The following PTPN4 variants were observed in gnomAD, a reference collection of about 807,000 sequenced individuals.
The protein encoded by PTPN4 is protein tyrosine phosphatase non-receptor type 4.
A neutral mutation model predicts 135.5 loss-of-function variants in PTPN4; 49 were observed. That is an observed-to-expected ratio of 0.36 (90% confidence interval 0.29 to 0.46). The LOEUF (loss-of-function observed/expected upper bound fraction) is 0.46. PTPN4 is among the 20% of genes least tolerant of loss of function. The pLI is 1.00. For missense variants in PTPN4, 860 were observed against 1,101.0 expected, an observed-to-expected ratio of 0.78 and a Z score of 3.10; for synonymous variants, 333 against 369.9, an observed-to-expected ratio of 0.90 and a Z score of 1.14.
intron 9 of PTPN4, among the ~76,000 whole-genome samples, chr2:119,894,587 T>G (rs548614659): frequency 6.6e-6 from 1 of 152,348 alleles, no homozygotes; most frequent in Admixed American, 6.5e-5. Flanking sequence ...TATGCCTAAC[T>G]ACATTAAAAA....
intron 2 of PTPN4, among the ~76,000 whole-genome samples, chr2:119,836,969 C>T (rs113830500): frequency 0.023 from 3,535 of 152,256 alleles, 128 homozygotes; most frequent in African/African-American, 0.077. Flanking sequence ...GCACCGTGGA[C>T]GAAATGATTG....
At chr2:119,958,186 A>C (rs1474272544) in intron 22 of PTPN4, among the ~76,000 whole-genome samples, 1 of 151,982 alleles carries the variant, frequency 6.6e-6, no homozygotes, top group Admixed American at 6.5e-5. Flanking sequence ...AAAAATATAA[A>C]AATTAGCAGT....
chr2:119,973,732 G>A (rs1050733667), intron 26 of PTPN4, among the ~76,000 whole-genome samples: 9 of 120,240 alleles, frequency 7.5e-5, no homozygotes, highest in Non-Finnish European at 9.7e-5. Flanking sequence ...TATTTCTGAC[G>A]GCGTGAATTT....
At chr2:119,804,387 A>G (rs982092751) in intron 1 of PTPN4, among the ~76,000 whole-genome samples, 1 of 152,186 alleles carries the variant, frequency 6.6e-6, no homozygotes, top group East Asian at 1.9e-4. Flanking sequence ...CCATTAACTC[A>G]TCATTTACAT....
chr2:119,936,800 T>A (rs1454052402), intron 15 of PTPN4, among the ~76,000 whole-genome samples: 1 of 152,206 alleles, frequency 6.6e-6, no homozygotes, highest in African/African-American at 2.4e-5. Context: ...TTCTTCTCTC[T>A]TGTGCACAAG....
At chr2:119,801,095 T>G (rs957115901) in intron 1 of PTPN4, among the ~76,000 whole-genome samples, 9 of 152,224 alleles carry the variant, frequency 5.9e-5, no homozygotes, top group African/African-American at 2.2e-4. Flanking sequence ...ATTTTTTATT[T>G]TTTTTAAATT....
intron 3 of PTPN4, among the ~76,000 whole-genome samples, chr2:119,870,558 C>T (rs189414352): frequency 1.4e-4 from 21 of 152,160 alleles, no homozygotes; most frequent in East Asian, 1.4e-3. Flanking sequence ...ATAATCAACT[C>T]GTCCTAACAG....
intron 1 of PTPN4, among the ~76,000 whole-genome samples, chr2:119,807,740 C>T (rs1042024884): frequency 6.6e-6 from 1 of 152,168 alleles, no homozygotes; most frequent in Non-Finnish European, 1.5e-5. Flanking sequence ...CCAGCATCAT[C>T]CTGATACCAA....
At chr2:119,873,676 T>C (rs1677946181) in intron 3 of PTPN4, among the ~76,000 whole-genome samples, 1 of 152,186 alleles carries the variant, frequency 6.6e-6, no homozygotes, top group South Asian at 2.1e-4. Flanking sequence ...CCGTCTCTTG[T>C]TAGCTATCAG....
intron 23 of PTPN4, among the ~76,000 whole-genome samples, chr2:119,961,412 TA>T (rs1387955095): frequency 6.6e-6 from 1 of 152,174 alleles, no homozygotes; most frequent in Non-Finnish European, 1.5e-5. Flanking sequence ...AAAGGACGTA[TA>T]AAAACAAGTT....
intron 1 of PTPN4, among the ~76,000 whole-genome samples, chr2:119,790,825 A>G (rs1691131562): frequency 6.6e-6 from 1 of 151,832 alleles, no homozygotes; most frequent in Admixed American, 6.6e-5. Flanking sequence ...TCTATTGTTT[A>G]TTTCACTGTA....
Position 119,951,993 on chromosome 2 carries a change from A to G in PTPN4, c.1677A>G (p.Arg559=), listed in dbSNP as rs1203224498. Residue 559 remains arginine, a synonymous_variant, in exon 19 of 27, where the codon AGA becomes AGG. Transcript: ENST00000263708. ...TACAGGCTGACCTCTGTGTCCCTAGACTGAATGAAGGGGACCAAGTTGTAC... is the reference window on the plus strand; with the variant it reads ...TACAGGCTGACCTCTGTGTCCCTAGGCTGAATGAAGGGGACCAAGTTGTAC... ...PGTPADLCVP[R]LNEGDQVVLI... 1 of 1,612,670 alleles carries G rather than the reference A, an allele frequency of 6.2e-7. No individual in the cohort carries two copies. Among genetic ancestry groups the G allele is most frequent in the South Asian group, 1.1e-5 (1 of 90,962 alleles).
At chr2:119,814,710 G>A (rs975097622) in intron 2 of PTPN4, among the ~76,000 whole-genome samples, 5 of 152,070 alleles carry the variant, frequency 3.3e-5, no homozygotes, top group Admixed American at 2.6e-4. Flanking sequence ...AAACATTTAT[G>A]TTCAGCCTTC....
intron 9 of PTPN4, among the ~76,000 whole-genome samples, chr2:119,897,864 G>A (rs891107725): frequency 6.6e-6 from 1 of 152,114 alleles, no homozygotes; most frequent in Non-Finnish European, 1.5e-5. Flanking sequence ...ATCAAATAAC[G>A]TATTTGATAA....
intron 2 of PTPN4, among the ~76,000 whole-genome samples, chr2:119,822,953 T>A (rs1677091280): frequency 6.6e-6 from 1 of 152,196 alleles, no homozygotes; most frequent in South Asian, 2.1e-4. Flanking sequence ...ATTTTTGAAG[T>A]TTGCCTCTCC....
chr2:119,954,808 G>GTA (rs1190243242), intron 19 of PTPN4, among the ~76,000 whole-genome samples: 1 of 152,140 alleles, frequency 6.6e-6, no homozygotes, highest in Non-Finnish European at 1.5e-5. Flanking sequence ...TAAACATATG[G>GTA]TATATAGGTC....
At chr2:119,921,462 G>A (rs1385410833) in intron 12 of PTPN4, among the ~76,000 whole-genome samples, 1 of 152,068 alleles carries the variant, frequency 6.6e-6, no homozygotes, top group African/African-American at 2.4e-5. Context: ...ATGAAGCTTA[G>A]TACAGGATAT....
chr2:119,981,365 T>C lies in PTPN4; in HGVS notation c.*4295T>C, dbSNP rs1323023029. ...ACTTCCCCCATTTGCTTCACCTATCTGACTACAATTGCTGGAATCATTCTT... is the reference window on the plus strand; with the variant it reads ...ACTTCCCCCATTTGCTTCACCTATCCGACTACAATTGCTGGAATCATTCTT... On this transcript the variant is annotated 3_prime_UTR_variant, in exon 27 of 27. Coordinates refer to ENST00000263708, the MANE Select transcript of PTPN4 (RefSeq NM_002830.4). The C allele has an allele frequency of 1.3e-5, 2 of 152,056 alleles. No homozygotes were observed. The highest frequency in any genetic ancestry group is 4.8e-5 in the African/African-American group (2 of 41,464). The allele number at this position is 152,056 out of a possible 1,614,324, so 9.4% of individuals were successfully genotyped here. A position where few individuals can be genotyped will look rare whatever the true frequency, so the allele number is the denominator to read the frequency against.
intron 3 of PTPN4, among the ~76,000 whole-genome samples, chr2:119,865,698 G>A (rs996071683): frequency 6.6e-6 from 1 of 151,894 alleles, no homozygotes; most frequent in Admixed American, 6.6e-5. Flanking sequence ...CCTATCTTTA[G>A]CTCATAATTT....
Sources: gnomAD v4.1 joint callset for allele counts (sites outside exome capture counted in the v4.1 genomes callset) on GRCh38, gnomAD v4.1.1 for gene constraint, MANE v1.5 for transcripts, NCBI Gene and HGNC (gene_info 2026-07-23, HGNC 2026-07-21) for gene names.